USH2A: variants seen among roughly 807,000 people sequenced by gnomAD.
USH2A encodes the protein Usher syndrome 2A (autosomal recessive, mild).
In USH2A, 443 loss-of-function variants were observed where a neutral mutation model predicts 538.9. The observed-to-expected ratio is 0.82, with a 90% confidence interval of 0.76 to 0.89. The LOEUF is 0.89. Among genes scored for constraint, USH2A ranks in the 40% least tolerant of loss-of-function variants. USH2A has a pLI of 0.00. For synonymous variants in USH2A, 2,413 were observed against 2,273.5 expected, an observed-to-expected ratio of 1.06 and a Z score of -1.75; for missense variants, 6,633 against 6,324.8, an observed-to-expected ratio of 1.05 and a Z score of -1.65.
intron 21 of USH2A, among the ~76,000 whole-genome samples, chr1:216,137,027 T>A (rs562071295): frequency 6.6e-6 from 1 of 152,162 alleles, no homozygotes; most frequent in African/African-American, 2.4e-5. Context: ...TTAGGATGAT[T>A]TTCCCATGTC....
At chr1:215,629,069 T>C (rs539536469) in intron 70 of USH2A, 34 bp from the exon 71 acceptor site, 16 of 1,580,972 alleles carry the variant, frequency 1.0e-5, no homozygotes, top group Admixed American at 3.3e-5. Flanking sequence ...ATTTCACATA[T>C]AAAGAATATG....
chr1:216,316,395 T>C (rs1212358601), intron 9 of USH2A, among the ~76,000 whole-genome samples: 1 of 152,222 alleles, frequency 6.6e-6, no homozygotes, highest in Non-Finnish European at 1.5e-5. Context: ...TTCTAGCTTC[T>C]AGTGTCTCAA....
intron 9 of USH2A, among the ~76,000 whole-genome samples, chr1:216,310,417 A>C (rs116603017): frequency 1.5e-3 from 230 of 152,164 alleles, no homozygotes; most frequent in African/African-American, 5.3e-3. Context: ...TATTTTGTTG[A>C]ATAAGATTTC....
At chr1:215,773,809 G>A (rs960953172) in intron 55 of USH2A, among the ~76,000 whole-genome samples, 10 of 152,076 alleles carry the variant, frequency 6.6e-5, no homozygotes, top group Non-Finnish European at 1.2e-4. Flanking sequence ...GACTGTGATG[G>A]ATAGAGCCAT....
intron 3 of USH2A, among the ~76,000 whole-genome samples, chr1:216,396,532 A>C (rs2039216322): frequency 6.6e-6 from 1 of 152,210 alleles, no homozygotes; most frequent in African/African-American, 2.4e-5. Context: ...AATTAATAGA[A>C]GAATTTATCC....
chr1:215,681,692 A>G (rs1415196532), intron 61 of USH2A, among the ~76,000 whole-genome samples: 3 of 152,182 alleles, frequency 2.0e-5, no homozygotes, highest in Non-Finnish European at 4.4e-5. Context: ...CAAAAACAAA[A>G]CAATGTAGAA....
At chr1:216,224,240 G>T (rs868099115) in intron 14 of USH2A, among the ~76,000 whole-genome samples, 4 of 152,164 alleles carry the variant, frequency 2.6e-5, no homozygotes, top group Admixed American at 6.5e-5. Flanking sequence ...GGGGAGAGTA[G>T]TCATAGTCAC....
intron 11 of USH2A, among the ~76,000 whole-genome samples, chr1:216,273,252 G>A (rs1198739980): frequency 6.6e-6 from 1 of 152,002 alleles, no homozygotes; most frequent in Admixed American, 6.6e-5. Context: ...AAATAGAAGA[G>A]GTTCTGCTGA....
At chr1:216,119,831 C>G (rs2033090460) in intron 21 of USH2A, among the ~76,000 whole-genome samples, 1 of 152,026 alleles carries the variant, frequency 6.6e-6, no homozygotes, top group South Asian at 2.1e-4. Flanking sequence ...TGCTTTCTTT[C>G]TATGGTGCAA....
Position 215,838,058 on chromosome 1 carries a change from G to C in USH2A, c.9304C>G (p.Gln3102Glu). The C allele has an allele frequency of 6.2e-7, 1 of 1,613,940 alleles. No homozygotes were observed. The highest frequency in any genetic ancestry group is 8.5e-7 in the Non-Finnish European group (1 of 1,179,922). Reference protein sequence around the residue: ...IYACVKSNGTQITTVEDTPSD... With the variant: ...IYACVKSNGTEITTVEDTPSD... Reference sequence around the variant, plus strand: ...GGAGTGTCTTCCACAGTGGTAATTTGGGTTCCATTGCTTTTCACGCAGGCA... The same window carrying C: ...GGAGTGTCTTCCACAGTGGTAATTTCGGTTCCATTGCTTTTCACGCAGGCA... Residue 3102 changes from glutamine (Q) to glutamate (E), a missense_variant, in exon 47 of 72, where the codon CAA (glutamine) becomes GAA (glutamate). Gln to Glu is a conservative substitution (Grantham distance 29, BLOSUM62 2). Transcript: ENST00000307340.
chr1:216,035,226 G>A, intron 32 of USH2A, among the ~76,000 whole-genome samples: 1 of 152,154 alleles, frequency 6.6e-6, no homozygotes, highest in African/African-American at 2.4e-5. Context: ...CTAGCCTCTA[G>A]AACTGCAGTT....
chr1:215,910,242 CT>C (rs1665746409), intron 38 of USH2A, among the ~76,000 whole-genome samples: 1 of 151,922 alleles, frequency 6.6e-6, no homozygotes, highest in African/African-American at 2.4e-5. Flanking sequence ...TCAATTAGCA[CT>C]TTTTACATTT....
chr1:216,099,907 G>A (rs751681700), intron 21 of USH2A, among the ~76,000 whole-genome samples: 109 of 152,062 alleles, frequency 7.2e-4, no homozygotes, highest in Non-Finnish European at 3.4e-4. Context: ...AAGAGAAGAC[G>A]ATGCTAGGAA....
At chr1:216,172,840 T>A (rs185321130) in intron 21 of USH2A, among the ~76,000 whole-genome samples, 4 of 152,300 alleles carry the variant, frequency 2.6e-5, no homozygotes, top group African/African-American at 9.6e-5. Context: ...TTATTTCACC[T>A]CCTATCCCTC....
intron 3 of USH2A, among the ~76,000 whole-genome samples, chr1:216,393,210 T>A (rs1022941059): frequency 6.6e-6 from 1 of 152,206 alleles, no homozygotes; most frequent in Non-Finnish European, 1.5e-5. Flanking sequence ...ATGCACTTAT[T>A]CGAGTGTGCT....
chr1:215,827,741 A>G (rs1196828832), intron 47 of USH2A, among the ~76,000 whole-genome samples: 2 of 152,156 alleles, frequency 1.3e-5, no homozygotes, highest in African/African-American at 2.4e-5. Context: ...CATATTAAAA[A>G]TAGTCTACAA....
At chr1:216,122,246 TATC>T (rs1271767174) in intron 21 of USH2A, among the ~76,000 whole-genome samples, 1 of 152,156 alleles carries the variant, frequency 6.6e-6, no homozygotes, top group Non-Finnish European at 1.5e-5. Context: ...GGGAGAAAAG[TATC>T]ATTCTTAATC....
intron 60 of USH2A, among the ~76,000 whole-genome samples, chr1:215,736,145 C>A (rs1660150459): frequency 1.3e-5 from 2 of 152,138 alleles, no homozygotes; most frequent in South Asian, 4.1e-4. Context: ...CCCCCTAAAC[C>A]TTCAGCAGCT....
At chr1:215,703,485 T>C (rs939163629) in intron 61 of USH2A, among the ~76,000 whole-genome samples, 2 of 152,216 alleles carry the variant, frequency 1.3e-5, no homozygotes, top group African/African-American at 4.8e-5. Flanking sequence ...CTGGGGCTGC[T>C]GCCTTTCTTT....
Sources: allele counts gnomAD v4.1 joint callset (sites outside exome capture counted in the v4.1 genomes callset), GRCh38; gene constraint gnomAD v4.1.1; transcripts MANE v1.5; gene names NCBI Gene and HGNC (gene_info 2026-07-23, HGNC 2026-07-21).